SVEP1: variants seen among roughly 807,000 people sequenced by gnomAD.
The protein encoded by SVEP1 is sushi, von Willebrand factor type A, EGF and pentraxin domain-containing protein 1.
A neutral mutation model predicts 367.3 loss-of-function variants in SVEP1; 164 were observed. That is an observed-to-expected ratio of 0.45 (90% confidence interval 0.39 to 0.51). SVEP1 has a LOEUF of 0.51. Ranked by LOEUF, SVEP1 falls within the 20% of genes least tolerant of loss-of-function variation. The pLI is 0.00. For missense variants in SVEP1, 4,117 were observed against 4,425.3 expected (o/e 0.93, Z 1.98); for synonymous variants, 1,666 against 1,611.6 (o/e 1.03, Z -0.81).
At chr9:110,487,026 A>G (rs904907326) in intron 9 of SVEP1, among the ~76,000 whole-genome samples, 1 of 151,704 alleles carries the variant, frequency 6.6e-6, no homozygotes, top group African/African-American at 2.4e-5. Flanking sequence ...GTGCGATCTC[A>G]GCTCACCGCA....
At chr9:110,406,098 G>T in intron 38 of SVEP1, 62 bp downstream of exon 38, 2 of 1,493,682 alleles carry the variant, frequency 1.3e-6, no homozygotes, top group South Asian at 2.9e-5. Flanking sequence ...ATTTTTGATC[G>T]ATCACATTTC....
intron 3 of SVEP1, among the ~76,000 whole-genome samples, chr9:110,528,152 GTGTGTATATA>G (rs1176653990): frequency 3.2e-3 from 70 of 22,082 alleles, no homozygotes; most frequent in East Asian, 8.0e-3. Context: ...GTGTGTGTGT[GTGTGTATATA>G]TATATATATA....
At chr9:110,530,617 AC>A (rs1339874271) in intron 3 of SVEP1, among the ~76,000 whole-genome samples, 2 of 151,752 alleles carry the variant, frequency 1.3e-5, no homozygotes, top group African/African-American at 4.8e-5. Context: ...GCTGGCTACA[AC>A]CTCCACCTCC....
intron 9 of SVEP1, among the ~76,000 whole-genome samples, chr9:110,485,132 C>T (rs553822719): frequency 3.3e-5 from 5 of 152,232 alleles, no homozygotes; most frequent in African/African-American, 7.2e-5. Context: ...GATACATGCA[C>T]GTGTATGTTC....
chr9:110,578,970 G>A, intron 1 of SVEP1, 43 bp downstream of exon 1: 1 of 1,539,376 alleles, frequency 6.5e-7, no homozygotes, highest in Non-Finnish European at 8.7e-7. Flanking sequence ...GGGTCGAAGG[G>A]CCCGGGGACT....
chr9:110,482,180 A>T (rs370867305), intron 11 of SVEP1, among the ~76,000 whole-genome samples, 181 bp downstream of exon 11: 140 of 152,344 alleles, frequency 9.2e-4, no homozygotes, highest in African/African-American at 3.2e-3. Flanking sequence ...GTTCTGGGAG[A>T]AAACATTTAT....
chr9:110,446,167 T>C (rs915670973), intron 25 of SVEP1, 129 bp from the exon 26 acceptor site: 1 of 767,452 alleles, frequency 1.3e-6, no homozygotes, highest in Middle Eastern at 3.8e-4. Flanking sequence ...AGTTTCAAAA[T>C]TAAATACATA....
At chr9:110,544,431 C>G (rs1830192152) in intron 3 of SVEP1, among the ~76,000 whole-genome samples, 1 of 152,036 alleles carries the variant, frequency 6.6e-6, no homozygotes, top group Non-Finnish European at 1.5e-5. Context: ...AAAAACAAAT[C>G]CAACAAATGC....
chr9:110,409,137 A>G (rs1218546452), intron 37 of SVEP1, among the ~76,000 whole-genome samples, 186 bp from the exon 38 acceptor site: 1 of 152,220 alleles, frequency 6.6e-6, no homozygotes, highest in Non-Finnish European at 1.5e-5. Context: ...TGAAAATGAT[A>G]GTAGAAAGTC....
intron 3 of SVEP1, among the ~76,000 whole-genome samples, chr9:110,537,883 T>C (rs1830097746): frequency 6.6e-6 from 1 of 151,906 alleles, no homozygotes; most frequent in Admixed American, 6.6e-5. Context: ...TGTTTGAAGA[T>C]CATGATTCAG....
chr9:110,377,152 A>T, intron 45 of SVEP1, 119 bp downstream of exon 45: 1 of 808,474 alleles, frequency 1.2e-6, no homozygotes, highest in Non-Finnish European at 2.0e-6. Flanking sequence ...TGGTGTGGAC[A>T]AGGACTTACA....
intron 30 of SVEP1, among the ~76,000 whole-genome samples, chr9:110,432,878 T>G (rs180833989): frequency 6.6e-6 from 1 of 152,318 alleles, no homozygotes; most frequent in African/African-American, 2.4e-5. Flanking sequence ...TGATAAAGTT[T>G]GGATATTTGT....
chr9:110,403,390 C>T (rs992594933), intron 39 of SVEP1, among the ~76,000 whole-genome samples: 2 of 144,236 alleles, frequency 1.4e-5, no homozygotes, highest in Admixed American at 7.2e-5. Flanking sequence ...CTGCAACCTC[C>T]GCATCCTGGG....
chr9:110,424,448 ATTTG>A lies in SVEP1; in HGVS notation c.5975+3139_5975+3142del, dbSNP rs548108284. Among the ~76,000 whole-genome samples the A allele has an allele frequency of 1.5e-4, 23 of 152,308 alleles. No homozygotes were observed. In the East Asian group the frequency reaches 3.9e-3, roughly 26 times the overall value. The stretch of plus-strand genomic sequence containing the variant: ...ATTAAAATATATAAATTAATAGGAT[ATTTG>A]TTTATGGGGGAATATGTATTTAATA... On this transcript the variant is annotated intron_variant, in intron 36 of 47. Transcript: ENST00000374469.
At position 110,499,226 on chromosome 9, in the gene SVEP1, G is replaced by T; in HGVS notation, c.1496C>A (p.Ser499Tyr). 1 of 1,612,938 alleles carries T rather than the reference G, an allele frequency of 6.2e-7. No homozygotes were observed. Among genetic ancestry groups the T allele is most frequent in the South Asian group, 1.1e-5 (1 of 90,882 alleles). The stretch of plus-strand genomic sequence containing the variant: ...GACATCTTTGGGCATCTGAAAGGTG[G>T]AACAGTGGCGCTCTACGGTAGGGAA... ...PEPRCVERHC[S>Y]TFQMPKDVII... The change falls in exon 7 of 48, where the codon TCC becomes TAC. Residue 499 changes from serine to tyrosine, a missense_variant. Coordinates refer to ENST00000374469, the MANE Select transcript of SVEP1 (RefSeq NM_153366.4).
chr9:110,414,977 C>T (rs978946391), intron 36 of SVEP1, among the ~76,000 whole-genome samples: 6 of 151,996 alleles, frequency 3.9e-5, no homozygotes, highest in African/African-American at 1.5e-4. Context: ...TTTCTTCCCT[C>T]TGCGTTTCTC....
chr9:110,430,363 G>A lies in SVEP1; in HGVS notation c.5441C>T (p.Ser1814Leu), dbSNP rs571724898. 22 of 1,613,366 alleles carry A rather than the reference G, an allele frequency of 1.4e-5. No individual in the cohort carries two copies. In the African/African-American group the frequency reaches 1.5e-4, roughly 11 times the overall value. Residue 1814 changes from serine (S) to leucine (L), a missense_variant, in exon 33 of 48, where the codon TCG becomes TTG. Coordinates refer to ENST00000374469, the MANE Select transcript of SVEP1 (RefSeq NM_153366.4). Reference protein sequence around the residue: ...IYTVGAEVTFSCQEGYQLMGV... With the variant: ...IYTVGAEVTFLCQEGYQLMGV... ...CATCAACTGGTATCCTTCCTGACACGAAAATGTGACTTCGGCACCTACTGT... is the reference window on the plus strand; with the variant it reads ...CATCAACTGGTATCCTTCCTGACACAAAAATGTGACTTCGGCACCTACTGT...
rs141504422 is a variant in SVEP1, at chr9:110,549,864, G to A, written c.772C>T (p.Arg258Trp). The change falls in exon 2 of 48, where the codon CGG (arginine) becomes TGG (tryptophan). Residue 258 changes from arginine (R) to tryptophan (W), a missense_variant. Physicochemically the swap from Arg to Trp is moderately radical, Grantham distance 101. This residue lies in a region of SVEP1 where 2,174 missense variants were observed against 2,494.3 expected (regional missense o/e 0.87). Transcript: ENST00000374469. Reference sequence around the variant, plus strand: ...TTTCCATTACCTTCATGCAATGCCCGGCGAGCTAAAGCCTCAAATTCTTCA... The same window carrying A: ...TTTCCATTACCTTCATGCAATGCCCAGCGAGCTAAAGCCTCAAATTCTTCA... ...SFEEFEALARRALHEDLPSGS... is the reference protein window; with the variant it reads ...SFEEFEALARWALHEDLPSGS... 42 of 1,613,618 alleles carry A rather than the reference G, an allele frequency of 2.6e-5. 1 individual carries two copies. The East Asian group carries it at 3.1e-4, about 12-fold the overall frequency.
chr9:110,472,949 G>A (rs1829044168), intron 14 of SVEP1, among the ~76,000 whole-genome samples: 1 of 152,156 alleles, frequency 6.6e-6, no homozygotes, highest in Non-Finnish European at 1.5e-5. Flanking sequence ...GATGTAGGCT[G>A]CTGTATAATC....
Sources: allele counts gnomAD v4.1 joint callset (sites outside exome capture counted in the v4.1 genomes callset), GRCh38; gene constraint gnomAD v4.1.1; regional missense constraint gnomAD v4.1.1; transcripts MANE v1.5; gene names NCBI Gene and HGNC (gene_info 2026-07-23, HGNC 2026-07-21).